Variants in HEMK2 observed in about 807,000 individuals in gnomAD.
The protein encoded by HEMK2 is methyltransferase HEMK2.
the HEMK2 span, among the ~76,000 whole-genome samples, chr21:28,843,209 AT>A: frequency 6.6e-6 from 1 of 152,166 alleles, no homozygotes; most frequent in Non-Finnish European, 1.5e-5. Flanking sequence ...TCACACTGCT[AT>A]AAAGATAGTA....
chr21:28,598,130 G>C, the HEMK2 span, among the ~76,000 whole-genome samples: 1 of 152,184 alleles, frequency 6.6e-6, no homozygotes, highest in Non-Finnish European at 1.5e-5. Context: ...GGCCTGGGTT[G>C]CTCAAACTGA....
At chr21:28,733,086 T>C in the HEMK2 span, among the ~76,000 whole-genome samples, 1 of 152,054 alleles carries the variant, frequency 6.6e-6, no homozygotes, top group Admixed American at 6.6e-5. Flanking sequence ...AAGACCATCC[T>C]GGCTAACACG....
chr21:28,840,619 C>T, the HEMK2 span, among the ~76,000 whole-genome samples: 68 of 152,116 alleles, frequency 4.5e-4, no homozygotes, highest in East Asian at 0.012. Flanking sequence ...CATTAATGAT[C>T]AGGGAAATGC....
the HEMK2 span, among the ~76,000 whole-genome samples, chr21:28,633,086 T>C: frequency 6.6e-6 from 1 of 152,166 alleles, no homozygotes; most frequent in Non-Finnish European, 1.5e-5. Flanking sequence ...ACTCTGATTG[T>C]GATACACTCA....
the HEMK2 span, among the ~76,000 whole-genome samples, chr21:28,594,793 G>C: frequency 6.6e-6 from 1 of 152,140 alleles, no homozygotes; most frequent in African/African-American, 2.4e-5. Context: ...ATTTGTGCTA[G>C]AATGAAGTTT....
At chr21:28,701,719 A>C in the HEMK2 span, among the ~76,000 whole-genome samples, 1 of 152,154 alleles carries the variant, frequency 6.6e-6, no homozygotes, top group Admixed American at 6.6e-5. Flanking sequence ...ATGTGCATGG[A>C]TAGGAAGAAT....
chr21:28,880,928 TAAAAAA>T, the HEMK2 span, among the ~76,000 whole-genome samples: 194 of 104,432 alleles, frequency 1.9e-3, 1 homozygote, highest in African/African-American at 8.3e-3. Flanking sequence ...ATCATTTATT[TAAAAAA>T]AAAAAAAAAA....
At chr21:28,601,603 C>CATCT in the HEMK2 span, among the ~76,000 whole-genome samples, 1 of 97,446 alleles carries the variant, frequency 1.0e-5, no homozygotes, top group African/African-American at 4.2e-5. Flanking sequence ...CACCTTCTGA[C>CATCT]ATCTCTCTCT....
chr21:28,723,368 T>A, the HEMK2 span, among the ~76,000 whole-genome samples: 1 of 152,098 alleles, frequency 6.6e-6, no homozygotes, highest in African/African-American at 2.4e-5. Flanking sequence ...CACTGCACAC[T>A]TGCATGGAGA....
the HEMK2 span, among the ~76,000 whole-genome samples, chr21:28,766,162 A>C: frequency 6.6e-6 from 1 of 152,010 alleles, no homozygotes; most frequent in Non-Finnish European, 1.5e-5. Flanking sequence ...TGGGGGTTGG[A>C]GGACTGGGGG....
the HEMK2 span, among the ~76,000 whole-genome samples, chr21:28,620,153 T>A: frequency 3.9e-4 from 59 of 152,232 alleles, no homozygotes; most frequent in Non-Finnish European, 1.5e-4. Flanking sequence ...TTTGATGTGC[T>A]GCTGGATTCG....
the HEMK2 span, among the ~76,000 whole-genome samples, chr21:28,578,289 A>G: frequency 2.0e-5 from 3 of 152,274 alleles, no homozygotes; most frequent in South Asian, 6.2e-4. Flanking sequence ...TTGCCCTCAG[A>G]TAGAAAGATA....
the HEMK2 span, among the ~76,000 whole-genome samples, chr21:28,771,692 CTA>C: frequency 6.6e-6 from 1 of 152,100 alleles, no homozygotes; most frequent in South Asian, 2.1e-4. Context: ...TAATCTTTTA[CTA>C]TGACTTTCCA....
the HEMK2 span, among the ~76,000 whole-genome samples, chr21:28,841,255 T>A: frequency 2.2e-4 from 2 of 9,006 alleles, no homozygotes; most frequent in African/African-American, 2.1e-3. Flanking sequence ...TATAATATAT[T>A]ATATATAATA....
At chr21:28,628,407 T>C in the HEMK2 span, among the ~76,000 whole-genome samples, 1 of 152,190 alleles carries the variant, frequency 6.6e-6, no homozygotes, top group Admixed American at 6.5e-5. Context: ...CAACTTTAGT[T>C]TCTGTGATAT....
chr21:28,795,398 A>G, the HEMK2 span, among the ~76,000 whole-genome samples: 1 of 146,312 alleles, frequency 6.8e-6, no homozygotes, highest in East Asian at 1.9e-4. Context: ...TAAGGACCTC[A>G]AAAAAAAAAT....
At chr21:28,778,210 A>G in the HEMK2 span, among the ~76,000 whole-genome samples, 1 of 152,206 alleles carries the variant, frequency 6.6e-6, no homozygotes. Flanking sequence ...AAGTGGGATC[A>G]TACAGTATTT....
At chr21:28,765,490 G>T in the HEMK2 span, among the ~76,000 whole-genome samples, 1 of 152,078 alleles carries the variant, frequency 6.6e-6, no homozygotes, top group Non-Finnish European at 1.5e-5. Flanking sequence ...CTATAATCTT[G>T]TATTGACTTA....
At chr21:28,768,364 C>T in the HEMK2 span, among the ~76,000 whole-genome samples, 1 of 152,120 alleles carries the variant, frequency 6.6e-6, no homozygotes, top group Non-Finnish European at 1.5e-5. Flanking sequence ...CATCCAGCCA[C>T]TTGCAGAGTG....
Sources: allele counts gnomAD v4.1 joint callset (sites outside exome capture counted in the v4.1 genomes callset), GRCh38; gene constraint gnomAD v4.1.1; transcripts MANE v1.5; gene names NCBI Gene and HGNC (gene_info 2026-07-23, HGNC 2026-07-21).